Variants in PAPOLG observed in about 807,000 individuals in gnomAD.
The protein encoded by PAPOLG is poly(A) polymerase gamma.
A neutral mutation model predicts 99.0 loss-of-function variants in PAPOLG; 40 were observed. The ratio of observed to expected loss-of-function variants is 0.40; its 90% CI spans 0.31 to 0.53. PAPOLG has a LOEUF of 0.53. Ranked by LOEUF, PAPOLG falls within the 20% of genes least tolerant of loss-of-function variation. PAPOLG has a pLI of 0.41. For missense variants in PAPOLG, 675 were observed against 884.1 expected, an observed-to-expected ratio of 0.76 and a Z score of 3.00; for synonymous variants, 310 against 299.3, an observed-to-expected ratio of 1.04 and a Z score of -0.37.
chr2:60,766,294 T>C (rs1670672612), intron 3 of PAPOLG, among the ~76,000 whole-genome samples: 1 of 152,022 alleles, frequency 6.6e-6, no homozygotes, highest in African/African-American at 2.4e-5. Context: ...AAAAAGCTTG[T>C]TAGGGAGTAA....
At chr2:60,758,444 T>TTTTTTA (rs1670421112) in intron 1 of PAPOLG, among the ~76,000 whole-genome samples, 1 of 120,850 alleles carries the variant, frequency 8.3e-6, no homozygotes, top group Non-Finnish European at 1.8e-5. Context: ...TTTTTTTTTT[T>TTTTTTA]GAGACGGAGT....
At chr2:60,756,906 T>C (rs987460669) in intron 1 of PAPOLG, among the ~76,000 whole-genome samples, 35 of 151,334 alleles carry the variant, frequency 2.3e-4, no homozygotes, top group Admixed American at 6.6e-4. Flanking sequence ...TCTCCAGGTC[T>C]TCAGGAGTGA....
At chr2:60,789,712 T>C (rs1463728639) in intron 15 of PAPOLG, among the ~76,000 whole-genome samples, 1 of 152,256 alleles carries the variant, frequency 6.6e-6, no homozygotes, top group Non-Finnish European at 1.5e-5. Flanking sequence ...GGAATAGTTA[T>C]ACATTCATAC....
At chr2:60,782,900 T>G (rs58042119) in intron 12 of PAPOLG, 130 bp downstream of exon 12, 2 of 1,188,396 alleles carry the variant, frequency 1.7e-6, no homozygotes, top group South Asian at 2.0e-5. Flanking sequence ...TTAACAAAAA[T>G]CCTAAGAGAT....
At chr2:60,764,983 G>A (rs1670630171) in intron 3 of PAPOLG, among the ~76,000 whole-genome samples, 1 of 152,110 alleles carries the variant, frequency 6.6e-6, no homozygotes, top group Non-Finnish European at 1.5e-5. Context: ...GCTAGTGACA[G>A]GTAGTCAAAA....
In PAPOLG at chr2:60,791,889, T is replaced by G. The variant is rs181936016; in HGVS notation, c.1518+7T>G. On this transcript the variant is annotated splice_region_variant and intron_variant, in intron 16 of 21. Transcript: ENST00000238714. ...TCTTCAAAAGAAGAAAAAGGTGAGT[T>G]TATAATCTTAACCCTTCAGTATGGT... 40 of 1,610,822 alleles carry G rather than the reference T, an allele frequency of 2.5e-5. No individual in the cohort carries two copies. In the African/African-American group the frequency reaches 4.4e-4, roughly 18 times the overall value.
intron 7 of PAPOLG, 79 bp downstream of exon 7, chr2:60,771,709 T>C: frequency 6.8e-7 from 1 of 1,471,860 alleles, no homozygotes; most frequent in South Asian, 1.3e-5. Flanking sequence ...GAATTGACTA[T>C]TCAGTTTTGG....
Position 60,794,520 on chromosome 2 carries a change from G to C in PAPOLG, c.1990-190G>C. ...GAATCTGAATTGATTTAACCAAAAAGATCACCCAAACTGTAGAAATTAACG... is the reference window on the plus strand; with the variant it reads ...GAATCTGAATTGATTTAACCAAAAACATCACCCAAACTGTAGAAATTAACG... On this transcript the variant is annotated intron_variant, in intron 19 of 21. Coordinates refer to ENST00000238714, the MANE Select transcript of PAPOLG (RefSeq NM_022894.4). The C allele has an allele frequency of 4.9e-6, 3 of 607,478 alleles. No individual in the cohort carries two copies. The South Asian group carries it at 7.2e-5, about 15-fold the overall frequency. The allele number at this position is 607,478 out of a possible 1,614,324, so 37.6% of individuals were successfully genotyped here. A position where few individuals can be genotyped will look rare whatever the true frequency, so the allele number is the denominator to read the frequency against.
intron 19 of PAPOLG, 107 bp from the exon 20 acceptor site, chr2:60,794,603 G>T: frequency 1.1e-6 from 1 of 905,122 alleles, no homozygotes; most frequent in Non-Finnish European, 1.7e-6. Context: ...CATGTTTATA[G>T]TAATTTTTAT....
At chr2:60,769,669 T>C (rs1670790152) in intron 5 of PAPOLG, among the ~76,000 whole-genome samples, 1 of 152,196 alleles carries the variant, frequency 6.6e-6, no homozygotes, top group Non-Finnish European at 1.5e-5. Flanking sequence ...AATTTCTAAC[T>C]CTAGTAGCCT....
At chr2:60,762,274 C>G (rs1670542395) in intron 3 of PAPOLG, among the ~76,000 whole-genome samples, 1 of 152,014 alleles carries the variant, frequency 6.6e-6, no homozygotes, top group South Asian at 2.1e-4. Context: ...ATTTGCCTAC[C>G]TGCTTGGTTC....
Position 60,761,813 on chromosome 2 carries a change from A to T in PAPOLG, c.246+6A>T. On this transcript the variant is annotated splice_donor_region_variant and intron_variant, in intron 3 of 21. Coordinates refer to ENST00000238714, the MANE Select transcript of PAPOLG (RefSeq NM_022894.4). The stretch of plus-strand genomic sequence containing the variant: ...CTGATGTCAGCGAGAGTAAGGTAAG[A>T]CTCTAAACTATGTGGAATTCTTGTT... 6.5e-7 allele frequency: 1 copy of T among 1,543,212 alleles called. No homozygotes were observed. The highest frequency in any genetic ancestry group is 8.9e-7 in the Non-Finnish European group (1 of 1,122,424).
chr2:60,763,122 T>C (rs1157047558), intron 3 of PAPOLG, among the ~76,000 whole-genome samples: 3 of 151,934 alleles, frequency 2.0e-5, no homozygotes, highest in African/African-American at 4.8e-5. Context: ...TCACCCAGGC[T>C]GCAGTACAGT....
intron 15 of PAPOLG, among the ~76,000 whole-genome samples, chr2:60,787,838 G>A (rs1193642784): frequency 2.0e-5 from 3 of 152,192 alleles, no homozygotes; most frequent in African/African-American, 7.2e-5. Flanking sequence ...GATTACCTGA[G>A]GTCAGGAATT....
At chr2:60,787,140 G>A in intron 14 of PAPOLG, 74 bp downstream of exon 14, 1 of 1,318,808 alleles carries the variant, frequency 7.6e-7, no homozygotes, top group Non-Finnish European at 1.0e-6. Flanking sequence ...CAGAGTAATT[G>A]TGAGATTTTT....
chr2:60,779,675 G>A lies in PAPOLG; in HGVS notation c.733G>A (p.Gly245Ser). 2 of 1,613,324 alleles carry A rather than the reference G, an allele frequency of 1.2e-6. No homozygotes were observed. The highest frequency in any genetic ancestry group is 1.7e-6 in the Non-Finnish European group (2 of 1,179,342). The change falls in exon 9 of 22, where the codon GGT becomes AGT. Residue 245 changes from glycine to serine, a missense_variant. Transcript: ENST00000238714. ...TTCCAACATGCTAGGATTCCTTGGT[G>A]GTGTCTCCTGGGCAATGCTAGTTGC... The part of the protein sequence containing the change: ...IYSNMLGFLG[G>S]VSWAMLVART...
Position 60,760,463 on chromosome 2 carries a change from T to C in PAPOLG, c.179+168T>C, listed in dbSNP as rs187498274. On this transcript the variant is annotated intron_variant, in intron 2 of 21. Coordinates refer to ENST00000238714, the MANE Select transcript of PAPOLG (RefSeq NM_022894.4). ...TTTAGGTAGGGGTTAGAAGAAGAGA[T>C]TTGTCATCAATAATATCAGTATGAC... 2.0e-5 allele frequency among the ~76,000 whole-genome samples: 3 copies of C among 152,200 alleles called. No homozygotes were observed. In the East Asian group the frequency reaches 5.8e-4, roughly 29 times the overall value.
intron 2 of PAPOLG, among the ~76,000 whole-genome samples, chr2:60,761,517 C>T (rs1179386417): frequency 1.3e-5 from 2 of 151,964 alleles, no homozygotes; most frequent in African/African-American, 2.4e-5. Flanking sequence ...GAAAATAGCT[C>T]AAAAACTAAA....
At chr2:60,784,927 T>A (rs1671310929) in intron 13 of PAPOLG, among the ~76,000 whole-genome samples, 1 of 152,212 alleles carries the variant, frequency 6.6e-6, no homozygotes, top group Non-Finnish European at 1.5e-5. Context: ...GATTTACTGT[T>A]AAAGCACACA....
Sources: allele counts gnomAD v4.1 joint callset (sites outside exome capture counted in the v4.1 genomes callset), GRCh38; gene constraint gnomAD v4.1.1; transcripts MANE v1.5; gene names NCBI Gene and HGNC (gene_info 2026-07-23, HGNC 2026-07-21).